The following NEB variants were observed in gnomAD, a reference collection of about 807,000 sequenced individuals.
NEB encodes the protein nemaline myopathy type 2.
A neutral mutation model predicts 952.2 loss-of-function variants in NEB; 512 were observed. That is an observed-to-expected ratio of 0.54 (90% CI 0.50 to 0.58). The LOEUF is 0.58. Among genes scored for constraint, NEB ranks in the 20% least tolerant of loss-of-function variants. The pLI is 0.00. For missense variants in NEB, 8,428 were observed against 9,231.1 expected (o/e 0.91, Z 3.56); for synonymous variants, 2,900 against 3,149.8 (o/e 0.92, Z 2.66).
intron 34 of NEB, 64 bp from the exon 35 acceptor site, chr2:151,675,455 G>A (rs2099352084): frequency 3.7e-6 from 4 of 1,088,586 alleles, no homozygotes; most frequent in African/African-American, 1.6e-5. Flanking sequence ...GCTTTAAAGA[G>A]TTATTTTTAG....
At chr2:151,623,937 A>G (rs2098467501) in intron 71 of NEB, among the ~76,000 whole-genome samples, 1 of 152,178 alleles carries the variant, frequency 6.6e-6, no homozygotes, top group Non-Finnish European at 1.5e-5. Context: ...CAAAGGAGAG[A>G]ACACTTTTAG....
At chr2:151,705,036 T>A (rs1203206831) in intron 13 of NEB, among the ~76,000 whole-genome samples, 1 of 152,208 alleles carries the variant, frequency 6.6e-6, no homozygotes, top group African/African-American at 2.4e-5. Context: ...AACACAGGTT[T>A]TAAGCAATTG....
In NEB at chr2:151,519,736, CT is replaced by C. The variant is rs2080623161; in HGVS notation, c.22511del (p.Lys7504ArgfsTer18). ...VKYRENFDKEKGKTPKYNPKD... is the reference protein window; with the variant it reads ...VKYRENFDKEXGKTPKYNPKD... Reference sequence around the variant, plus strand: ...TTGGATTGTATTTTGGTGTCTTGCCCTTTTCTTTATCGAAATTTTCTCGGTA... The same window carrying C: ...TTGGATTGTATTTTGGTGTCTTGCCCTTTCTTTATCGAAATTTTCTCGGTA... On this transcript the variant is annotated frameshift_variant, in exon 154 of 182. Coordinates refer to ENST00000397345, the MANE Select transcript of NEB (RefSeq NM_001164508.2). LOFTEE classifies it high-confidence loss of function. The C allele has an allele frequency of 6.2e-7, 1 of 1,612,696 alleles. No individual in the cohort carries two copies.
intron 63 of NEB, among the ~76,000 whole-genome samples, chr2:151,637,026 A>G (rs1451418436): frequency 6.6e-6 from 1 of 152,056 alleles, no homozygotes; most frequent in Non-Finnish European, 1.5e-5. Context: ...AATCAATTCA[A>G]CTCACATTTA....
At chr2:151,657,946 A>G (rs1372262421) in intron 48 of NEB, 37 bp downstream of exon 48, 1 of 1,456,574 alleles carries the variant, frequency 6.9e-7, no homozygotes, top group East Asian at 2.3e-5. Context: ...GGTTCCTTAG[A>G]AACCCCCAGC....
In NEB at chr2:151,654,010, T is replaced by C; in HGVS notation, c.6897A>G (p.Ser2299=). ...DAISVQLAKA[S]RDIASDYKYK... ...TACTCACATCACTAGCAATGTCTCT[T>C]GAAGCTTTAGCTAGCTGTACAGAAA... The change falls in exon 52 of 182, where the codon TCA becomes TCG. Residue 2299 remains serine, a synonymous_variant. Transcript: ENST00000397345. The C allele has an allele frequency of 6.2e-7, 1 of 1,611,788 alleles. No individual in the cohort carries two copies. Among genetic ancestry groups the C allele is most frequent in the East Asian group, 2.2e-5 (1 of 44,828 alleles).
intron 173 of NEB, chr2:151,495,207 C>T (rs959387353): frequency 1.3e-5 from 2 of 152,202 alleles, no homozygotes; most frequent in Non-Finnish European, 2.9e-5. Context: ...GATAAATCCT[C>T]AACCTCGGTA....
intron 9 of NEB, among the ~76,000 whole-genome samples, chr2:151,718,736 A>T (rs1191664301): frequency 6.6e-6 from 1 of 152,074 alleles, no homozygotes; most frequent in Non-Finnish European, 1.5e-5. Context: ...CTCCTTCTTC[A>T]TTAGCTCCTT....
chr2:151,700,314 T>G (rs1382390210), intron 13 of NEB, among the ~76,000 whole-genome samples: 1 of 87,958 alleles, frequency 1.1e-5, no homozygotes, highest in South Asian at 4.7e-4. Flanking sequence ...TCCAGCTTTG[T>G]TCTTTTGGCT....
chr2:151,687,280 G>A, intron 27 of NEB, 139 bp downstream of exon 27: 1 of 685,486 alleles, frequency 1.5e-6, no homozygotes, highest in Non-Finnish European at 2.5e-6. Context: ...GCATCATTCT[G>A]AAGTTCTCTA....
At chr2:151,496,703 G>T (rs554040025) in intron 172 of NEB, among the ~76,000 whole-genome samples, 12 of 151,566 alleles carry the variant, frequency 7.9e-5, no homozygotes, top group Admixed American at 7.9e-4. Context: ...CCACACAAAC[G>T]GAAAAACTCA....
intron 52 of NEB, among the ~76,000 whole-genome samples, chr2:151,652,376 C>T (rs879941900): frequency 7.2e-5 from 11 of 152,064 alleles, no homozygotes; most frequent in Non-Finnish European, 1.0e-4. Context: ...CAGGCACACA[C>T]CACCATGCCC....
chr2:151,527,458 C>A, intron 147 of NEB, 23 bp downstream of exon 147: 1 of 1,549,898 alleles, frequency 6.5e-7, no homozygotes, highest in South Asian at 1.1e-5. Context: ...CAGTTACAAT[C>A]GTCTGTGTCT....
intron 70 of NEB, 113 bp from the exon 71 acceptor site, chr2:151,625,751 T>C (rs1376053515): frequency 3.4e-6 from 2 of 580,336 alleles, no homozygotes; most frequent in African/African-American, 1.9e-5. Context: ...GTCTGTTCCA[T>C]GTATGTTAAT....
intron 136 of NEB, 129 bp downstream of exon 136, chr2:151,541,318 T>C (rs1175446415): frequency 1.6e-6 from 1 of 639,948 alleles, no homozygotes; most frequent in Non-Finnish European, 2.7e-6. Flanking sequence ...TCAAGTGCAG[T>C]GTTAATGGGC....
chr2:151,710,519 T>C lies in NEB; in HGVS notation c.842A>G (p.Tyr281Cys). The C allele has an allele frequency of 6.2e-7, 1 of 1,606,524 alleles. No homozygotes were observed. The highest frequency in any genetic ancestry group is 8.5e-7 in the Non-Finnish European group (1 of 1,175,386). The change falls in exon 11 of 182, where the codon TAT becomes TGT. Residue 281 changes from tyrosine to cysteine, a missense_variant. Coordinates refer to ENST00000397345, the MANE Select transcript of NEB (RefSeq NM_001164508.2). ...QVSKQKYKED[Y>C]ENKIKGKWSE... ...CCATTTGCCTTTGATTTTATTTTCATAGTCTTCTTTGTATTTTTGCTAGAA... is the reference window on the plus strand; with the variant it reads ...CCATTTGCCTTTGATTTTATTTTCACAGTCTTCTTTGTATTTTTGCTAGAA...
intron 53 of NEB, 79 bp from the exon 54 acceptor site, chr2:151,650,458 C>G (rs988919803): frequency 4.0e-6 from 6 of 1,508,698 alleles, no homozygotes; most frequent in South Asian, 3.6e-5. Context: ...GCATTACAAA[C>G]AGATGCATTT....
chr2:151,502,762 ATT>A (rs201290038), intron 167 of NEB, 29 bp downstream of exon 167: 3,968 of 1,014,410 alleles, frequency 3.9e-3, no homozygotes, highest in Admixed American at 5.1e-3. Flanking sequence ...AAATTAAGGG[ATT>A]TTTTTTTTTT....
chr2:151,523,259 A>G (rs1249063673), intron 153 of NEB, among the ~76,000 whole-genome samples: 1 of 152,226 alleles, frequency 6.6e-6, no homozygotes, highest in Non-Finnish European at 1.5e-5. Context: ...TATGTTACAT[A>G]GGAATTTTAA....
Sources: gnomAD v4.1 joint callset for allele counts (sites outside exome capture counted in the v4.1 genomes callset) on GRCh38, gnomAD v4.1.1 for gene constraint, MANE v1.5 for transcripts, NCBI Gene and HGNC (gene_info 2026-07-23, HGNC 2026-07-21) for gene names.